The following SLC44A3 variants were observed in gnomAD, a reference collection of about 807,000 sequenced individuals.
SLC44A3 encodes the protein solute carrier family 44 member 3, also known as choline transporter-like protein 3.
A neutral mutation model predicts 75.4 loss-of-function variants in SLC44A3; 74 were observed. That is an observed-to-expected ratio of 0.98 (90% CI 0.81 to 1.19). The LOEUF (loss-of-function observed/expected upper bound fraction) is 1.19, where lower values mean the gene tolerates loss of function less well. SLC44A3 is among the 50% of genes most tolerant of loss of function. The pLI is 0.00. For synonymous variants in SLC44A3, 310 were observed against 296.9 expected (o/e 1.04, Z -0.45); for missense variants, 700 against 778.6 (o/e 0.90, Z 1.20).
chr1:94,892,554 G>C, intron 14 of SLC44A3, 37 bp downstream of exon 14: 2 of 1,584,894 alleles, frequency 1.3e-6, no homozygotes, highest in South Asian at 2.2e-5. Flanking sequence ...CAATCTCCAT[G>C]CTCGCAATCT....
intron 14 of SLC44A3, among the ~76,000 whole-genome samples, chr1:94,893,111 G>A (rs1037769461): frequency 2.0e-5 from 3 of 152,198 alleles, no homozygotes; most frequent in Non-Finnish European, 4.4e-5. Flanking sequence ...TTGCAACACA[G>A]TTGTTGCTTA....
At chr1:94,838,011 AGAT>A (rs1663052513) in intron 6 of SLC44A3, 140 bp downstream of exon 6, 1 of 877,978 alleles carries the variant, frequency 1.1e-6, no homozygotes. Context: ...TCAGTGTTTC[AGAT>A]TTAAGTGGGA....
At chr1:94,873,604 G>T (rs1333829603) in intron 12 of SLC44A3, among the ~76,000 whole-genome samples, 1 of 152,168 alleles carries the variant, frequency 6.6e-6, no homozygotes, top group Non-Finnish European at 1.5e-5. Context: ...ACTCAACTTT[G>T]TAGTATCTCC....
chr1:94,863,366 A>T (rs1322663975), intron 10 of SLC44A3, among the ~76,000 whole-genome samples: 2 of 152,024 alleles, frequency 1.3e-5, no homozygotes, highest in African/African-American at 4.8e-5. Context: ...AAACTCTAAT[A>T]CCTGGAGGGC....
intron 6 of SLC44A3, among the ~76,000 whole-genome samples, chr1:94,838,216 C>G (rs1663083551): frequency 6.6e-6 from 1 of 152,174 alleles, no homozygotes; most frequent in Non-Finnish European, 1.5e-5. Flanking sequence ...TGTCTTCTGG[C>G]CAAACATGCC....
At position 94,837,692 on chromosome 1, in the gene SLC44A3, T is replaced by A; in HGVS notation, c.510-19T>A. The A allele has an allele frequency of 6.5e-7, 1 of 1,537,296 alleles. No individual in the cohort carries two copies. The highest frequency in any genetic ancestry group is 1.4e-5 in the African/African-American group (1 of 71,204). On this transcript the variant is annotated intron_variant, in intron 5 of 14. Coordinates refer to ENST00000271227, the MANE Select transcript of SLC44A3 (RefSeq NM_001114106.3). ...ATGTTAAATAAACATTTTTGCCATC[T>A]TTTTTTCTCTATTTTTAGCAAGTCA...
intron 12 of SLC44A3, among the ~76,000 whole-genome samples, chr1:94,882,651 T>A (rs1016086816): frequency 6.6e-6 from 1 of 152,126 alleles, no homozygotes; most frequent in Non-Finnish European, 1.5e-5. Flanking sequence ...GGAATCATTG[T>A]TCTGGTGGGC....
chr1:94,828,836 T>C (rs2100956218), intron 5 of SLC44A3, among the ~76,000 whole-genome samples: 1 of 152,340 alleles, frequency 6.6e-6, no homozygotes, highest in African/African-American at 2.4e-5. Context: ...CACGTAGTCT[T>C]CAAAGAACAC....
chr1:94,875,982 G>C (rs1015973769), intron 12 of SLC44A3, among the ~76,000 whole-genome samples: 1 of 152,202 alleles, frequency 6.6e-6, no homozygotes, highest in Non-Finnish European at 1.5e-5. Context: ...AAGGAAGCAG[G>C]TGACATGTGA....
chr1:94,863,645 C>T (rs1383923199), intron 10 of SLC44A3, among the ~76,000 whole-genome samples: 1 of 152,236 alleles, frequency 6.6e-6, no homozygotes. Context: ...GCAATAGCTT[C>T]CGTGGTTTTT....
intron 12 of SLC44A3, among the ~76,000 whole-genome samples, chr1:94,867,666 T>G (rs1667319405): frequency 6.6e-6 from 1 of 152,258 alleles, no homozygotes; most frequent in African/African-American, 2.4e-5. Context: ...CACTGAAATT[T>G]GAATTTCATA....
intron 12 of SLC44A3, among the ~76,000 whole-genome samples, chr1:94,890,362 G>C (rs1670074572): frequency 6.6e-6 from 1 of 152,088 alleles, no homozygotes; most frequent in African/African-American, 2.4e-5. Context: ...TTTCCTGTGA[G>C]CTCCTCGTCT....
chr1:94,881,071 G>A (rs991540605), intron 12 of SLC44A3, among the ~76,000 whole-genome samples: 1 of 152,174 alleles, frequency 6.6e-6, no homozygotes, highest in African/African-American at 2.4e-5. Flanking sequence ...TACAGTGAAT[G>A]TCTCTGAAGC....
chr1:94,823,296 C>A (rs6684134), intron 2 of SLC44A3, among the ~76,000 whole-genome samples: 90,675 of 152,072 alleles, frequency 0.6, 27,252 homozygotes, highest in South Asian at 0.67. Flanking sequence ...GCCATGCCAG[C>A]CACATTGGCA....
intron 2 of SLC44A3, among the ~76,000 whole-genome samples, chr1:94,822,443 A>AT (rs1366187698): frequency 6.6e-6 from 1 of 152,128 alleles, no homozygotes; most frequent in Non-Finnish European, 1.5e-5. Context: ...CTTTTGCAAC[A>AT]TTTTTTATTT....
intron 9 of SLC44A3, among the ~76,000 whole-genome samples, chr1:94,855,863 A>C (rs984477936): frequency 4.6e-5 from 7 of 152,232 alleles, no homozygotes; most frequent in African/African-American, 1.2e-4. Context: ...AATGTTCTTC[A>C]AGCTATAGGT....
At chr1:94,879,098 C>G (rs1443771054) in intron 12 of SLC44A3, among the ~76,000 whole-genome samples, 1 of 151,838 alleles carries the variant, frequency 6.6e-6, no homozygotes, top group Non-Finnish European at 1.5e-5. Context: ...AAAACTTCTA[C>G]ACATCCAAGA....
At chr1:94,880,344 T>C (rs1310279823) in intron 12 of SLC44A3, among the ~76,000 whole-genome samples, 1 of 152,218 alleles carries the variant, frequency 6.6e-6, no homozygotes, top group Non-Finnish European at 1.5e-5. Flanking sequence ...TATCCAAGTA[T>C]ATTTCTTCTT....
intron 7 of SLC44A3, among the ~76,000 whole-genome samples, chr1:94,840,275 T>A (rs1383185929): frequency 6.8e-6 from 1 of 146,040 alleles, no homozygotes. Context: ...CTTTTCTTTT[T>A]CTTTTTCCTT....
Sources: allele counts gnomAD v4.1 joint callset (sites outside exome capture counted in the v4.1 genomes callset), GRCh38; gene constraint gnomAD v4.1.1; transcripts MANE v1.5; gene names NCBI Gene and HGNC (gene_info 2026-07-23, HGNC 2026-07-21).